The following VIRMA variants were observed in gnomAD, a reference collection of about 807,000 sequenced individuals.
The protein encoded by VIRMA is protein virilizer homolog.
VIRMA carries 65 observed loss-of-function variants against 182.4 expected under a neutral mutation model. The ratio of observed to expected loss-of-function variants is 0.36; its 90% CI spans 0.29 to 0.44. The LOEUF (loss-of-function observed/expected upper bound fraction) is 0.44. Ranked by LOEUF, VIRMA falls within the 20% of genes least tolerant of loss-of-function variation. The probability of loss-of-function intolerance (pLI) is 1.00; values close to 1 mark genes in which losing one functional copy is unlikely to be tolerated. For synonymous variants in VIRMA, 709 were observed against 743.1 expected (o/e 0.95, Z 0.75); for missense variants, 1,752 against 2,158.1 (o/e 0.81, Z 3.73).
At chr8:94,511,974 T>C (rs1173236963) in intron 12 of VIRMA, 22 bp downstream of exon 12, 16 of 1,398,884 alleles carry the variant, frequency 1.1e-5, no homozygotes, top group South Asian at 1.6e-5. Flanking sequence ...TCGTAGTTTT[T>C]AAAATACAGT....
intron 19 of VIRMA, 90 bp from the exon 20 acceptor site, chr8:94,495,046 G>T: frequency 1.1e-6 from 1 of 869,972 alleles, no homozygotes. Context: ...CTGTTACCCA[G>T]CTGGAGCGCA....
rs748939334 is a variant in VIRMA at position 94,499,522 on chromosome 8, AT to A, written c.4098-17del. On this transcript the variant is annotated splice_polypyrimidine_tract_variant and intron_variant, in intron 16 of 23. Transcript: ENST00000297591. Reference sequence around the variant, plus strand: ...CCTTAAAGAACTGTAAATAAAGAAAATAAAGAGAAGATATTATCTTAAAATA... The same window carrying A: ...CCTTAAAGAACTGTAAATAAAGAAAAAAAGAGAAGATATTATCTTAAAATA... 16 of 1,416,962 alleles carry A rather than the reference AT, an allele frequency of 1.1e-5. No homozygotes were observed. The African/African-American group carries it at 2.3e-4, about 20-fold the overall frequency. The allele number at this position is 1,416,962 out of a possible 1,614,324, so 87.8% of individuals were successfully genotyped here.
intron 20 of VIRMA, among the ~76,000 whole-genome samples, chr8:94,493,352 G>A (rs917518246): frequency 6.6e-6 from 1 of 151,966 alleles, no homozygotes; most frequent in Non-Finnish European, 1.5e-5. Context: ...TAATCCAGAG[G>A]GTTACAATTA....
intron 15 of VIRMA, among the ~76,000 whole-genome samples, chr8:94,507,774 AC>A (rs1331761979): frequency 6.6e-6 from 1 of 151,556 alleles, no homozygotes; most frequent in Non-Finnish European, 1.5e-5. Flanking sequence ...AAACAAAAAA[AC>A]AAAAAGCCCC....
rs1363049762 is a variant in VIRMA at position 94,527,136 on chromosome 8, C to T, written c.1108G>A (p.Gly370Ser). Residue 370 changes from glycine to serine, a missense_variant, in exon 8 of 24, where the codon GGT becomes AGT. Transcript: ENST00000297591. ...GCCCCTGAATTTTCTTTATCTGGAC[C>T]TTGATCCTTCATTCTACTGATTTCA... The part of the protein sequence containing the change: ...EIEISRMKDQ[G>S]PDKENSGAIE... 18 of 1,614,002 alleles carry T rather than the reference C, an allele frequency of 1.1e-5. No individual in the cohort carries two copies. Among genetic ancestry groups the T allele is most frequent in the Non-Finnish European group, 1.5e-5 (18 of 1,180,014 alleles).
At position 94,553,442 on chromosome 8, in the gene VIRMA, C is replaced by A; in HGVS notation, c.6G>T (p.Ala2=). ...ATAACAGCTCCATCGCCGAGTCCAC[C>A]GCCATGTTTGCCGCGGGCGGGGAAC... M[A]VDSAMELLFL... is the part of the protein sequence containing the mutation. The change falls in exon 1 of 24, where the codon GCG becomes GCT. Residue 2 remains alanine (A), a synonymous_variant. Coordinates refer to ENST00000297591, the MANE Select transcript of VIRMA (RefSeq NM_015496.5). 6.2e-7 allele frequency: 1 copy of A among 1,614,206 alleles called. No homozygotes were observed. Among genetic ancestry groups the A allele is most frequent in the Non-Finnish European group, 8.5e-7 (1 of 1,180,032 alleles).
rs1443434996 is a variant in VIRMA at position 94,527,027 on chromosome 8, T to A, written c.1217A>T (p.Glu406Val). Residue 406 changes from glutamate (E) to valine (V), a missense_variant, in exon 8 of 24, where the codon GAA (glutamate) becomes GTA (valine). Glu to Val is a moderately radical substitution (Grantham distance 121, BLOSUM62 -2). Transcript: ENST00000297591. The stretch of plus-strand genomic sequence containing the variant: ...CCCTTTTATTATTAAACTTGGAATT[T>A]CTTCTAAAGCTGTTACCCATTTTGC... The part of the protein sequence containing the change: ...RGAKWVTALE[E>V]IPSLIIKGLS... 4 of 1,614,078 alleles carry A rather than the reference T, an allele frequency of 2.5e-6. No individual in the cohort carries two copies. Among genetic ancestry groups the A allele is most frequent in the Non-Finnish European group, 3.4e-6 (4 of 1,180,016 alleles).
intron 2 of VIRMA, among the ~76,000 whole-genome samples, chr8:94,543,435 T>C (rs1356666125): frequency 8.2e-6 from 1 of 121,260 alleles, no homozygotes; most frequent in South Asian, 2.6e-4. Context: ...GGAGTAATAA[T>C]AATAATAATA....
At chr8:94,545,333 T>C (rs1815723811) in intron 1 of VIRMA, among the ~76,000 whole-genome samples, 1 of 152,124 alleles carries the variant, frequency 6.6e-6, no homozygotes, top group Admixed American at 6.6e-5. Context: ...GTGGTCAAAG[T>C]CCATCATGAG....
intron 1 of VIRMA, among the ~76,000 whole-genome samples, chr8:94,550,624 G>A (rs1478123102): frequency 6.6e-6 from 1 of 152,068 alleles, no homozygotes; most frequent in African/African-American, 2.4e-5. Flanking sequence ...TATTGATCAA[G>A]TAATCTATCT....
Position 94,499,363 on chromosome 8 carries a change from C to A in VIRMA, c.4230+11G>T. ...ACATATATACACAAACACAAACACACACATACTTACAATTGTGTCAGAGTT... is the reference window on the plus strand; with the variant it reads ...ACATATATACACAAACACAAACACAAACATACTTACAATTGTGTCAGAGTT... On this transcript the variant is annotated intron_variant, in intron 17 of 23. Coordinates refer to ENST00000297591, the MANE Select transcript of VIRMA (RefSeq NM_015496.5). 9 of 1,531,430 alleles carry A rather than the reference C, an allele frequency of 5.9e-6. No homozygotes were observed. Among genetic ancestry groups the A allele is most frequent in the Non-Finnish European group, 7.9e-6 (9 of 1,134,444 alleles). 94.9% of individuals were successfully genotyped at this position (1,531,430 alleles called of 1,614,324 possible).
chr8:94,506,678 T>C lies in VIRMA; in HGVS notation c.3919A>G (p.Ile1307Val), dbSNP rs145312139. 1,947 of 1,613,718 alleles carry C rather than the reference T, an allele frequency of 1.2e-3. 14 individuals are homozygous for C. Among genetic ancestry groups the C allele is most frequent in the East Asian group, 7.5e-3 (334 of 44,830 alleles). Residue 1307 changes from isoleucine to valine, a missense_variant, in exon 16 of 24, where the codon ATT (isoleucine) becomes GTT (valine). By Grantham distance (29) the Ile-to-Val change is conservative. Around this residue, in one of 11 missense-constraint regions of VIRMA, gnomAD observed 777 missense variants for 920.6 expected, o/e 0.84. Transcript: ENST00000297591. The stretch of plus-strand genomic sequence containing the variant: ...TTGGAGAGCTGCTCCAGTTCAGAAA[T>C]AGAACCTTCAGAAGAGCTTGGTAAG... ...LILPSSSEGSISELEQLSNSL... is the reference protein window; with the variant it reads ...LILPSSSEGSVSELEQLSNSL...
intron 21 of VIRMA, 103 bp from the exon 22 acceptor site, chr8:94,492,012 A>G: frequency 2.4e-6 from 2 of 833,582 alleles, no homozygotes; most frequent in Non-Finnish European, 3.6e-6. Context: ...TTGTACTCCA[A>G]TTCTGCTAAC....
At chr8:94,533,614 CTT>C (rs60590655) in intron 5 of VIRMA, 18 of 119,512 alleles carry the variant, frequency 1.5e-4, no homozygotes, top group Non-Finnish European at 1.5e-4. Flanking sequence ...CTAATTCTTT[CTT>C]TTTTTTTTTT....
intron 1 of VIRMA, among the ~76,000 whole-genome samples, chr8:94,548,673 T>A (rs906680531): frequency 7.6e-5 from 11 of 144,742 alleles, no homozygotes; most frequent in Non-Finnish European, 1.0e-4. Context: ...TTATTTATTT[T>A]GAGACAGAGT....
intron 5 of VIRMA, chr8:94,533,681 TG>T (rs1815245270): frequency 6.9e-6 from 1 of 145,280 alleles, no homozygotes; most frequent in Non-Finnish European, 1.5e-5. Flanking sequence ...CTCACACTCC[TG>T]GGTTCAAGCA....
chr8:94,505,243 T>C (rs2130290522), intron 16 of VIRMA, among the ~76,000 whole-genome samples: 1 of 152,276 alleles, frequency 6.6e-6, no homozygotes, highest in Non-Finnish European at 1.5e-5. Flanking sequence ...CCAAACACAG[T>C]ACCTGCAATG....
chr8:94,526,097 T>G, intron 8 of VIRMA, 126 bp downstream of exon 8: 1 of 704,926 alleles, frequency 1.4e-6, no homozygotes, highest in South Asian at 2.1e-5. Context: ...AATAACCGTT[T>G]TGAAATATCA....
chr8:94,509,629 C>T (rs1814289335), intron 15 of VIRMA, 59 bp downstream of exon 15: 2 of 934,658 alleles, frequency 2.1e-6, no homozygotes, highest in African/African-American at 1.6e-5. Context: ...CTTAAATACA[C>T]ACACACACAC....
Sources: gnomAD v4.1 joint callset for allele counts (sites outside exome capture counted in the v4.1 genomes callset) on GRCh38, gnomAD v4.1.1 for gene constraint, gnomAD v4.1.1 regional missense constraint, MANE v1.5 for transcripts, NCBI Gene and HGNC (gene_info 2026-07-23, HGNC 2026-07-21) for gene names.